RSRC1: variants seen among roughly 807,000 people sequenced by gnomAD.
RSRC1 encodes the protein arginine and serine rich coiled-coil 1.
In RSRC1, 39 loss-of-function variants were observed where a neutral mutation model predicts 49.1. The ratio of observed to expected loss-of-function variants is 0.79; its 90% confidence interval spans 0.61 to 1.04. RSRC1 has a LOEUF of 1.04. Among genes scored for constraint, RSRC1 ranks in the 50% least tolerant of loss-of-function variants. The probability of loss-of-function intolerance (pLI) is 0.00; values close to 1 mark genes in which losing one functional copy is unlikely to be tolerated. For missense variants in RSRC1, 388 were observed against 402.4 expected, an observed-to-expected ratio of 0.96 and a Z score of 0.31; for synonymous variants, 143 against 130.8, an observed-to-expected ratio of 1.09 and a Z score of -0.63.
chr3:158,265,272 G>C (rs190236936), intron 4 of RSRC1, among the ~76,000 whole-genome samples: 110 of 152,260 alleles, frequency 7.2e-4, no homozygotes, highest in Non-Finnish European at 1.4e-3. Flanking sequence ...GGTTTTGGTT[G>C]TTCCAGGCAG....
At chr3:158,459,067 A>G (rs1310831981) in intron 6 of RSRC1, among the ~76,000 whole-genome samples, 1 of 152,124 alleles carries the variant, frequency 6.6e-6, no homozygotes, top group Non-Finnish European at 1.5e-5. Context: ...TTTAAGATTA[A>G]TTATTATCTA....
At chr3:158,306,543 A>G (rs1727850404) in intron 5 of RSRC1, among the ~76,000 whole-genome samples, 1 of 151,924 alleles carries the variant, frequency 6.6e-6, no homozygotes, top group Admixed American at 6.6e-5. Context: ...TGATTACAGT[A>G]TGTGTAAGAA....
intron 8 of RSRC1, among the ~76,000 whole-genome samples, chr3:158,542,054 A>G (rs910835015): frequency 6.6e-6 from 1 of 152,152 alleles, no homozygotes; most frequent in Non-Finnish European, 1.5e-5. Context: ...CCAAAGATAC[A>G]TCGTACCTTT....
chr3:158,440,122 TTAAAA>T (rs1736301001), intron 6 of RSRC1, among the ~76,000 whole-genome samples: 1 of 152,104 alleles, frequency 6.6e-6, no homozygotes, highest in East Asian at 1.9e-4. Flanking sequence ...GTCCCAGAAC[TTAAAA>T]TAAAATTTTT....
At chr3:158,114,985 T>C in intron 1 of RSRC1, among the ~76,000 whole-genome samples, 1 of 152,180 alleles carries the variant, frequency 6.6e-6, no homozygotes, top group Admixed American at 6.5e-5. Flanking sequence ...GAATACCCTT[T>C]GTTTTTTTTC....
chr3:158,457,258 A>G (rs1457275825), intron 6 of RSRC1, among the ~76,000 whole-genome samples: 4 of 152,182 alleles, frequency 2.6e-5, no homozygotes, highest in Non-Finnish European at 5.9e-5. Flanking sequence ...TGGATTCTAG[A>G]TATAATTTGT....
rs1430707743 is a variant in RSRC1, at chr3:158,539,429, A to G, written c.759+2231A>G. On this transcript the variant is annotated intron_variant, in intron 8 of 9. Transcript: ENST00000611884. This position sits in a 1 kb window ranked among gnomAD's most constrained non-coding sequence, Gnocchi z 4.1. ...AATAGAGAATCTGATAGTCCCTGAT[A>G]TATCATTGAGGAACCAAGATGCAGC... 6.6e-6 allele frequency among the ~76,000 whole-genome samples: 1 copy of G among 152,062 alleles called. No individual in the cohort carries two copies. The highest frequency in any genetic ancestry group is 1.5e-5 in the Non-Finnish European group (1 of 67,954).
At chr3:158,334,945 A>G (rs899071927) in intron 5 of RSRC1, among the ~76,000 whole-genome samples, 2 of 152,124 alleles carry the variant, frequency 1.3e-5, no homozygotes, top group South Asian at 4.1e-4. Context: ...TAAAATAGCC[A>G]AAGTTTTTTT....
intron 5 of RSRC1, among the ~76,000 whole-genome samples, chr3:158,342,676 T>A (rs1394418347): frequency 1.3e-5 from 2 of 152,234 alleles, no homozygotes; most frequent in African/African-American, 4.8e-5. Flanking sequence ...CACAAGATTC[T>A]TGTTAGTATT....
At chr3:158,432,863 A>G (rs2108359811) in intron 6 of RSRC1, among the ~76,000 whole-genome samples, 1 of 151,690 alleles carries the variant, frequency 6.6e-6, no homozygotes, top group East Asian at 1.9e-4. Flanking sequence ...TAGAAATACT[A>G]TATATATATA....
chr3:158,174,350 A>G (rs928142439), intron 3 of RSRC1, among the ~76,000 whole-genome samples: 1 of 151,968 alleles, frequency 6.6e-6, no homozygotes, highest in Non-Finnish European at 1.5e-5. Context: ...TTATTTGTTT[A>G]TTTAAAACTT....
Position 158,203,159 on chromosome 3 carries a change from A to C in RSRC1, c.408A>C (p.Arg136Ser). 6.2e-7 allele frequency: 1 copy of C among 1,613,846 alleles called. No homozygotes were observed. ...HRRTRSRSRD[R>S]ERRKGRDKEK... The stretch of plus-strand genomic sequence containing the variant: ...GAACGCGTAGTCGGTCTCGGGATAG[A>C]GAACGACGTAAGGGCAGAGATAAAG... Residue 136 changes from arginine (R) to serine (S), a missense_variant, in exon 4 of 10, where the codon AGA becomes AGC. By Grantham distance (110) the Arg-to-Ser change is moderately radical. Transcript: ENST00000611884.
At position 158,119,830 on chromosome 3, in the gene RSRC1, G is replaced by A. The variant is rs189216550; in HGVS notation, c.-2-2273G>A. On this transcript the variant is annotated intron_variant, in intron 1 of 9. Coordinates refer to ENST00000611884, the MANE Select transcript of RSRC1 (RefSeq NM_001271838.2). Reference sequence around the variant, plus strand: ...TGTTGTATATATTTATAATTTCATAGTCTTTTTTTTTTTTTTTTGAGATAG... The same window carrying A: ...TGTTGTATATATTTATAATTTCATAATCTTTTTTTTTTTTTTTTGAGATAG... 8.7e-3 allele frequency among the ~76,000 whole-genome samples: 812 copies of A among 93,148 alleles called. 13 individuals carry two copies. The highest frequency in any genetic ancestry group is 0.012 in the Non-Finnish European group (584 of 49,030). The allele number at this position is 93,148 out of a possible 152,430, so 61.1% of individuals were successfully genotyped here. A position where few individuals can be genotyped will look rare whatever the true frequency, so the allele number is the denominator to read the frequency against.
chr3:158,294,747 T>C (rs1163555418), intron 4 of RSRC1, among the ~76,000 whole-genome samples: 1 of 152,166 alleles, frequency 6.6e-6, no homozygotes, highest in Non-Finnish European at 1.5e-5. Flanking sequence ...ACCCTACACA[T>C]GTTCATGCAC....
At chr3:158,199,096 A>G (rs1186964017) in intron 3 of RSRC1, among the ~76,000 whole-genome samples, 5 of 152,116 alleles carry the variant, frequency 3.3e-5, no homozygotes, top group Admixed American at 3.3e-4. Context: ...TTCTCATGAT[A>G]GTGATTGGGT....
chr3:158,293,018 T>C (rs1430830246), intron 4 of RSRC1, among the ~76,000 whole-genome samples: 5 of 152,282 alleles, frequency 3.3e-5, no homozygotes, highest in Admixed American at 6.5e-5. Context: ...GTACTCATGA[T>C]ACTTTACCTG....
At chr3:158,174,342 ATTTG>A (rs1218514019) in intron 3 of RSRC1, among the ~76,000 whole-genome samples, 1 of 151,962 alleles carries the variant, frequency 6.6e-6, no homozygotes, top group Non-Finnish European at 1.5e-5. Flanking sequence ...AATGAAGTTT[ATTTG>A]TTTATTTAAA....
intron 7 of RSRC1, among the ~76,000 whole-genome samples, chr3:158,516,149 G>A (rs999949753): frequency 1.8e-4 from 28 of 152,280 alleles, no homozygotes; most frequent in Non-Finnish European, 3.4e-4. Context: ...GAGGAACTGC[G>A]TTCCTTTGGA....
chr3:158,512,468 A>G (rs1427203020), intron 7 of RSRC1, among the ~76,000 whole-genome samples: 6 of 151,900 alleles, frequency 3.9e-5, no homozygotes, highest in African/African-American at 1.4e-4. Flanking sequence ...TGTTCCATTG[A>G]TCTATATCTG....
Sources: gnomAD v4.1 joint callset for allele counts (sites outside exome capture counted in the v4.1 genomes callset) on GRCh38, gnomAD v4.1.1 for gene constraint, Gnocchi (gnomAD v3.1) non-coding constraint, MANE v1.5 for transcripts, NCBI Gene and HGNC (gene_info 2026-07-23, HGNC 2026-07-21) for gene names.